Variants in MYH6 observed in about 807,000 individuals in gnomAD.
MYH6 encodes the protein myosin heavy chain 6, also known as myosin-6.
In MYH6, 126 loss-of-function variants were observed where a neutral mutation model predicts 223.2. The ratio of observed to expected loss-of-function variants is 0.56; its 90% CI spans 0.49 to 0.65. MYH6 has a LOEUF of 0.65. Among genes scored for constraint, MYH6 ranks in the 30% least tolerant of loss-of-function variants. The pLI is 0.00. For synonymous variants in MYH6, 978 were observed against 1,010.2 expected (o/e 0.97, Z 0.61); for missense variants, 2,040 against 2,536.4 (o/e 0.80, Z 4.20).
rs1163634377 is a variant in MYH6, at chr14:23,381,999, A to G, written c.*41T>C. On this transcript the variant is annotated 3_prime_UTR_variant, in exon 39 of 39. Coordinates refer to ENST00000405093, the MANE Select transcript of MYH6 (RefSeq NM_002471.4). ...GGCTCAGGCAGAGTTTGGCACTCAT[A>G]TTTATTACAGGTTGGCAAGAGTGAG... 4 of 1,613,990 alleles carry G rather than the reference A, an allele frequency of 2.5e-6. No homozygotes were observed. In the Admixed American group the frequency reaches 5.0e-5, roughly 20 times the overall value.
Position 23,390,088 on chromosome 14 carries a change from G to C in MYH6, c.3701C>G (p.Thr1234Ser). 4 of 1,613,078 alleles carry C rather than the reference G, an allele frequency of 2.5e-6. No homozygotes were observed. The highest frequency in any genetic ancestry group is 3.4e-6 in the Non-Finnish European group (4 of 1,179,776). Residue 1234 changes from threonine to serine, a missense_variant, in exon 26 of 39, where the codon ACC (threonine) becomes AGC (serine). By Grantham distance (58) the Thr-to-Ser change is moderately conservative. Around this residue, in one of 4 missense-constraint regions of MYH6, gnomAD observed 1,203 missense variants for 1,400.2 expected, o/e 0.86. Coordinates refer to ENST00000405093, the MANE Select transcript of MYH6 (RefSeq NM_002471.4). ...CTTGATGATCTGCTCCATGTTGGAG[G>C]TGACGTCATCCAGCTCCAGCTTGAA... ...SEFKLELDDV[T>S]SNMEQIIKAK... is the part of the protein sequence containing the mutation.
rs545670631 is a variant in MYH6 at position 23,407,491 on chromosome 14, G to C, written c.-14+85C>G. 1,318 of 1,315,800 alleles carry C rather than the reference G, an allele frequency of 1.0e-3. 10 individuals carry two copies. In the African/African-American group the frequency reaches 0.016, roughly 16 times the overall value. 81.5% of individuals were successfully genotyped at this position (1,315,800 alleles called of 1,614,324 possible). A position where few individuals can be genotyped will look rare whatever the true frequency, so the allele number is the denominator to read the frequency against. The stretch of plus-strand genomic sequence containing the variant: ...TGCTAAGGGTTGGCGCTGAGTGCTT[G>C]GGACAGCAGACCCCTGGTCCAGCAA... On this transcript the variant is annotated intron_variant, in intron 2 of 38. Coordinates refer to ENST00000405093, the MANE Select transcript of MYH6 (RefSeq NM_002471.4). The surrounding 1 kb of genome is among the most constrained non-coding windows in gnomAD (Gnocchi z 5.6).
Position 23,389,072 on chromosome 14 carries a change from G to GGGGGC in MYH6, c.3979-18_3979-17insGCCCC. 2.1e-5 allele frequency: 24 copies of GGGGGC among 1,135,040 alleles called. No homozygotes were observed. Among genetic ancestry groups the GGGGGC allele is most frequent in the Non-Finnish European group, 3.0e-5 (23 of 774,042 alleles). 70.3% of individuals were successfully genotyped at this position (1,135,040 alleles called of 1,614,324 possible). A position where few individuals can be genotyped will look rare whatever the true frequency, so the allele number is the denominator to read the frequency against. On this transcript the variant is annotated splice_polypyrimidine_tract_variant and intron_variant, in intron 28 of 38. Transcript: ENST00000405093. ...GTTCTTCGCCTGGGGAGGGGGGGGG[G>GGGGGC]CACCAGGAGGTGGGAGGGACTCCCT...
At chr14:23,388,780 C>A in intron 29 of MYH6, 79 bp downstream of exon 29, 8 of 1,602,242 alleles carry the variant, frequency 5.0e-6, no homozygotes, top group Non-Finnish European at 6.8e-6. Flanking sequence ...CGTCTCATGA[C>A]CACTTTGCCT....
intron 36 of MYH6, 21 bp from the exon 37 acceptor site, chr14:23,383,341 G>GGGGGGGGGCCCCCCCCCCCCC: frequency 3.6e-6 from 2 of 556,576 alleles, no homozygotes; most frequent in African/African-American, 1.9e-5. Flanking sequence ...GAGGGTGGGA[G>GGGGGGGGGCCCCCCCCCCCCC]AAGCTGGTTT....
At chr14:23,398,634 C>A in intron 15 of MYH6, 94 bp downstream of exon 15, 2 of 1,459,904 alleles carry the variant, frequency 1.4e-6, no homozygotes, top group Non-Finnish European at 9.6e-7. Context: ...CTCCCCTGTG[C>A]CTGCCTATGG....
Position 23,407,357 on chromosome 14 carries a change from C to T in MYH6, c.-13-121G>A. Reference sequence around the variant, plus strand: ...CTCTCCTCCACCCTGGGAGAGGCACCTGCTGTTGCACCCTCCCCTACTCAG... The same window carrying T: ...CTCTCCTCCACCCTGGGAGAGGCACTTGCTGTTGCACCCTCCCCTACTCAG... On this transcript the variant is annotated intron_variant, in intron 2 of 38. Coordinates refer to ENST00000405093, the MANE Select transcript of MYH6 (RefSeq NM_002471.4). The surrounding 1 kb of genome is among the most constrained non-coding windows in gnomAD (Gnocchi z 5.6). 2 of 1,237,378 alleles carry T rather than the reference C, an allele frequency of 1.6e-6. No individual in the cohort carries two copies. Among genetic ancestry groups the T allele is most frequent in the East Asian group, 2.4e-5 (1 of 40,940 alleles). The allele number at this position is 1,237,378 out of a possible 1,614,324, so 76.6% of individuals were successfully genotyped here.
rs746103590 is a variant in MYH6, at chr14:23,405,811, C to A, written c.202-41G>T. On this transcript the variant is annotated intron_variant, in intron 3 of 38. Coordinates refer to ENST00000405093, the MANE Select transcript of MYH6 (RefSeq NM_002471.4). The surrounding 1 kb of genome is among the most constrained non-coding windows in gnomAD (Gnocchi z 4.7). The stretch of plus-strand genomic sequence containing the variant: ...AAGCAGGAGGATGAGTGACCACAAT[C>A]CCTCCGGGACCCTTGCCAGCACTGC... The A allele has an allele frequency of 2.5e-6, 4 of 1,613,698 alleles. No individual in the cohort carries two copies. In the South Asian group the frequency reaches 3.3e-5, roughly 13 times the overall value.
chr14:23,394,113 C>T lies in MYH6; in HGVS notation c.2640G>A (p.Val880=), dbSNP rs923063395. 1 of 1,614,204 alleles carries T rather than the reference C, an allele frequency of 6.2e-7. No homozygotes were observed. The highest frequency in any genetic ancestry group is 8.5e-7 in the Non-Finnish European group (1 of 1,180,036). Residue 880 remains valine (V), a synonymous_variant, in exon 21 of 39, where the codon GTG becomes GTA. Transcript: ENST00000405093. ...GGTCATTCTTCTCCTGCAGCAGGGACACCATCTTCTCCTCCAGCTCCTTGC... is the reference window on the plus strand; with the variant it reads ...GGTCATTCTTCTCCTGCAGCAGGGATACCATCTTCTCCTCCAGCTCCTTGC... ...ARRKELEEKM[V]SLLQEKNDLQ...
rs57166503 is a variant in MYH6 at position 23,400,570 on chromosome 14, A to G, written c.1410+139T>C. On this transcript the variant is annotated intron_variant, in intron 13 of 38. Coordinates refer to ENST00000405093, the MANE Select transcript of MYH6 (RefSeq NM_002471.4). ...GTGGAGGAGGGCTTCCCCTGAAGAC[A>G]GGGACAATGACTGCCTCTGTCACCA... 8,679 of 1,580,944 alleles carry G rather than the reference A, an allele frequency of 5.5e-3. 329 individuals carry two copies. In the African/African-American group the frequency reaches 0.088, roughly 16 times the overall value.
At chr14:23,398,062 T>C (rs868698629) in intron 15 of MYH6, among the ~76,000 whole-genome samples, 3 of 149,244 alleles carry the variant, frequency 2.0e-5, no homozygotes, top group South Asian at 4.5e-4. Context: ...CTGTCACCCA[T>C]GCTGGAGTGC....
At position 23,388,325 on chromosome 14, in the gene MYH6, G is replaced by A. The variant is rs1490254818; in HGVS notation, c.4189C>T (p.Gln1397Ter). Residue 1397 changes from glutamine to a stop codon, truncating the protein, a stop_gained, in exon 30 of 39, where the codon CAG becomes TAG. Transcript: ENST00000405093. LOFTEE classifies it high-confidence loss of function. Reference sequence around the variant, plus strand: ...GCCTCCTCGGCATCCTGCAGCCGCTGGGCCAGCTTCTTTCTGCCCAGGTGA... The same window carrying A: ...GCCTCCTCGGCATCCTGCAGCCGCTAGGCCAGCTTCTTTCTGCCCAGGTGA... ...ELEEAKKKLA[Q>*]RLQDAEEAVE... is the part of the protein sequence containing the mutation. 2.5e-6 allele frequency: 4 copies of A among 1,613,142 alleles called. No individual in the cohort carries two copies. The highest frequency in any genetic ancestry group is 1.1e-5 in the South Asian group (1 of 91,040).
At position 23,390,316 on chromosome 14, in the gene MYH6, G is replaced by A. The variant is rs1456106460; in HGVS notation, c.3473C>T (p.Ala1158Val). 16 of 1,606,236 alleles carry A rather than the reference G, an allele frequency of 1.0e-5. No homozygotes were observed. The highest frequency in any genetic ancestry group is 1.2e-5 in the Non-Finnish European group (14 of 1,178,546). Reference protein sequence around the residue: ...ISERLEEAGGATSVQIEMNKK... With the variant: ...ISERLEEAGGVTSVQIEMNKK... Reference sequence around the variant, plus strand: ...GTTCATCTCGATCTGCACGGACGTGGCCCCGCCGGCCTCTTCCAGCCGCTC... The same window carrying A: ...GTTCATCTCGATCTGCACGGACGTGACCCCGCCGGCCTCTTCCAGCCGCTC... Residue 1158 changes from alanine to valine, a missense_variant, in exon 26 of 39, where the codon GCC becomes GTC. Ala to Val is a moderately conservative substitution (Grantham distance 64, BLOSUM62 0). Coordinates refer to ENST00000405093, the MANE Select transcript of MYH6 (RefSeq NM_002471.4).
chr14:23,386,808 T>C (rs1891042077), intron 32 of MYH6, among the ~76,000 whole-genome samples, 185 bp from the exon 33 acceptor site: 1 of 152,202 alleles, frequency 6.6e-6, no homozygotes, highest in Non-Finnish European at 1.5e-5. Flanking sequence ...CTGGACTCTC[T>C]GGGCTTCCCC....
chr14:23,406,948 C>T (rs1891806455), intron 3 of MYH6, 75 bp downstream of exon 3: 1 of 1,512,926 alleles, frequency 6.6e-7, no homozygotes, highest in Middle Eastern at 1.7e-4. Context: ...TCAGCTCCCC[C>T]TGCAAGTGGC....
At chr14:23,390,550 G>C in intron 25 of MYH6, 104 bp from the exon 26 acceptor site, 1 of 1,538,718 alleles carries the variant, frequency 6.5e-7, no homozygotes. Context: ...TCAAGCAGTG[G>C]TTCTCAACTA....
At chr14:23,403,676 G>A in intron 9 of MYH6, 39 bp downstream of exon 9, 1 of 1,575,524 alleles carries the variant, frequency 6.3e-7, no homozygotes, top group Non-Finnish European at 8.7e-7. Flanking sequence ...GAAGGCAGAG[G>A]GGGACCTAGA....
At position 23,397,624 on chromosome 14, in the gene MYH6, A is replaced by C; in HGVS notation, c.1892-11T>G. Reference sequence around the variant, plus strand: ...TTTTACCACTGTCCCCTAAACAGCGAGAGGAGAAATAATCAACAGGAGCTG... The same window carrying C: ...TTTTACCACTGTCCCCTAAACAGCGCGAGGAGAAATAATCAACAGGAGCTG... On this transcript the variant is annotated splice_polypyrimidine_tract_variant and intron_variant, in intron 15 of 38. Coordinates refer to ENST00000405093, the MANE Select transcript of MYH6 (RefSeq NM_002471.4). 1.9e-6 allele frequency: 3 copies of C among 1,613,964 alleles called. No homozygotes were observed. The highest frequency in any genetic ancestry group is 2.5e-6 in the Non-Finnish European group (3 of 1,179,872).
chr14:23,400,469 T>C, intron 13 of MYH6, 43 bp from the exon 14 acceptor site: 1 of 1,613,712 alleles, frequency 6.2e-7, no homozygotes, highest in Non-Finnish European at 8.5e-7. Flanking sequence ...AAAGTGGGTG[T>C]GAGTGGCCAT....
Sources: gnomAD v4.1 joint callset for allele counts (sites outside exome capture counted in the v4.1 genomes callset) on GRCh38, gnomAD v4.1.1 for gene constraint, gnomAD v4.1.1 regional missense constraint, Gnocchi (gnomAD v3.1) non-coding constraint, MANE v1.5 for transcripts, NCBI Gene and HGNC (gene_info 2026-07-23, HGNC 2026-07-21) for gene names.